ADAMTS19: variants seen among roughly 807,000 people sequenced by gnomAD.
ADAMTS19 encodes the protein ADAM metallopeptidase with thrombospondin type 1 motif 19.
In ADAMTS19, 93 loss-of-function variants were observed where a neutral mutation model predicts 153.3. The ratio of observed to expected loss-of-function variants is 0.61; its 90% CI spans 0.51 to 0.72. The LOEUF (loss-of-function observed/expected upper bound fraction) is 0.72, where lower values mean the gene tolerates loss of function less well. ADAMTS19 is among the 30% of genes least tolerant of loss of function. The pLI is 0.00. For synonymous variants in ADAMTS19, 600 were observed against 556.6 expected (o/e 1.08, Z -1.10); for missense variants, 1,482 against 1,552.1 (o/e 0.95, Z 0.76).
chr5:129,580,237 C>T (rs1388711797), intron 7 of ADAMTS19, among the ~76,000 whole-genome samples: 1 of 151,888 alleles, frequency 6.6e-6, no homozygotes, highest in Non-Finnish European at 1.5e-5. Flanking sequence ...GCTTTCTATT[C>T]ATCTGTTATT....
chr5:129,567,922 A>G (rs1388814565), intron 7 of ADAMTS19, among the ~76,000 whole-genome samples: 2 of 152,156 alleles, frequency 1.3e-5, no homozygotes, highest in Non-Finnish European at 1.5e-5. Flanking sequence ...CCAAAAAACA[A>G]GCTGTTATTT....
chr5:129,464,476 C>G (rs930620428), intron 2 of ADAMTS19, among the ~76,000 whole-genome samples: 1 of 152,186 alleles, frequency 6.6e-6, no homozygotes, highest in Non-Finnish European at 1.5e-5. Context: ...TGTACCTTCC[C>G]TTACCCTCTC....
At chr5:129,503,692 G>T (rs781714126) in intron 2 of ADAMTS19, among the ~76,000 whole-genome samples, 20 of 152,022 alleles carry the variant, frequency 1.3e-4, no homozygotes, top group Non-Finnish European at 2.2e-4. Flanking sequence ...TATGTGGGTG[G>T]TAGTGGGTGC....
intron 2 of ADAMTS19, among the ~76,000 whole-genome samples, chr5:129,478,840 C>A (rs542319673): frequency 6.6e-6 from 1 of 152,230 alleles, no homozygotes; most frequent in South Asian, 2.1e-4. Flanking sequence ...CTGCACCTGG[C>A]CACCTCTACC....
chr5:129,474,843 G>A (rs1443154490), intron 2 of ADAMTS19, among the ~76,000 whole-genome samples: 1 of 152,106 alleles, frequency 6.6e-6, no homozygotes, highest in Non-Finnish European at 1.5e-5. Context: ...TAATTATATT[G>A]AGCATAGGTT....
At chr5:129,615,704 A>C (rs1375990982) in intron 8 of ADAMTS19, among the ~76,000 whole-genome samples, 1 of 152,008 alleles carries the variant, frequency 6.6e-6, no homozygotes, top group Non-Finnish European at 1.5e-5. Flanking sequence ...ACAATCAGGC[A>C]GACAGTACAA....
rs1297961421 is a variant in ADAMTS19 at position 129,526,296 on chromosome 5, C to A, written c.926C>A (p.Pro309His). 1.9e-6 allele frequency: 3 copies of A among 1,582,402 alleles called. No individual in the cohort carries two copies. The South Asian group carries it at 3.5e-5, about 19-fold the overall frequency. Reference protein sequence around the residue: ...YCGIISDKGRPRSRKIAESGR... With the variant: ...YCGIISDKGRHRSRKIAESGR... ...TTCTCTGTTGCAGATAAAGGAAGAC[C>A]TAGGTCTAGAAAAATAGCAGAAAGT... Residue 309 changes from proline to histidine, a missense_variant, in exon 4 of 23, where the codon CCT becomes CAT. By Grantham distance (77) the Pro-to-His change is moderately conservative. Around this residue, in one of 2 missense-constraint regions of ADAMTS19, gnomAD observed 866 missense variants for 827.7 expected, o/e 1.05. Transcript: ENST00000274487.
At chr5:129,473,337 G>A (rs748424703) in intron 2 of ADAMTS19, among the ~76,000 whole-genome samples, 5 of 152,034 alleles carry the variant, frequency 3.3e-5, no homozygotes, top group Non-Finnish European at 5.9e-5. Context: ...TCCATTATAA[G>A]ATTATTATGT....
intron 17 of ADAMTS19, 128 bp from the exon 18 acceptor site, chr5:129,683,992 A>G: frequency 1.0e-6 from 1 of 999,000 alleles, no homozygotes; most frequent in Non-Finnish European, 1.4e-6. Flanking sequence ...TGTCCACAAC[A>G]GCAACAACAA....
chr5:129,707,055 C>G (rs148438232), intron 21 of ADAMTS19, among the ~76,000 whole-genome samples: 40 of 152,226 alleles, frequency 2.6e-4, no homozygotes, highest in African/African-American at 8.9e-4. Flanking sequence ...CTTAACAAAA[C>G]AGATTTGAAC....
chr5:129,511,501 C>A (rs1751437398), intron 3 of ADAMTS19, among the ~76,000 whole-genome samples: 1 of 151,620 alleles, frequency 6.6e-6, no homozygotes, highest in African/African-American at 2.4e-5. Context: ...AGTCACCTTA[C>A]AGGAATGTGG....
rs1049628723 is a variant in ADAMTS19 at position 129,737,236 on chromosome 5, G to C, written c.*18G>C. 1.3e-6 allele frequency: 2 copies of C among 1,574,560 alleles called. No homozygotes were observed. The highest frequency in any genetic ancestry group is 1.7e-5 in the Admixed American group (1 of 57,332). On this transcript the variant is annotated 3_prime_UTR_variant, in exon 23 of 23. Coordinates refer to ENST00000274487, the MANE Select transcript of ADAMTS19 (RefSeq NM_133638.6). ...AGAGTTGACCTCTAGCAGGCTGGCTGGATCACAGCTCTTGGCAATTACATT... is the reference window on the plus strand; with the variant it reads ...AGAGTTGACCTCTAGCAGGCTGGCTCGATCACAGCTCTTGGCAATTACATT...
At chr5:129,527,872 G>T in intron 5 of ADAMTS19, 41 bp downstream of exon 5, 1 of 1,290,808 alleles carries the variant, frequency 7.7e-7, no homozygotes, top group East Asian at 2.3e-5. Flanking sequence ...AAATGGGGGA[G>T]AAATTTTGTT....
intron 11 of ADAMTS19, among the ~76,000 whole-genome samples, chr5:129,642,173 A>C (rs1438974560): frequency 1.3e-5 from 2 of 151,526 alleles, no homozygotes; most frequent in Non-Finnish European, 2.9e-5. Flanking sequence ...GTTTTATTTT[A>C]TTTGTTATTT....
chr5:129,493,819 G>T (rs1451571053), intron 2 of ADAMTS19, among the ~76,000 whole-genome samples: 1 of 152,126 alleles, frequency 6.6e-6, no homozygotes, highest in Non-Finnish European at 1.5e-5. Context: ...AAGGATACTA[G>T]AGAAGTTCTA....
At chr5:129,735,606 G>A (rs1757633090) in intron 22 of ADAMTS19, among the ~76,000 whole-genome samples, 2 of 151,944 alleles carry the variant, frequency 1.3e-5, no homozygotes, top group Non-Finnish European at 2.9e-5. Flanking sequence ...TTCTTTTTAA[G>A]TTTTGAGAAT....
At chr5:129,724,439 T>C (rs1757124382) in intron 21 of ADAMTS19, among the ~76,000 whole-genome samples, 1 of 152,154 alleles carries the variant, frequency 6.6e-6, no homozygotes, top group Non-Finnish European at 1.5e-5. Flanking sequence ...CCATTGAGTC[T>C]ACAGCAACCT....
intron 3 of ADAMTS19, among the ~76,000 whole-genome samples, chr5:129,512,397 G>A (rs1034620280): frequency 6.6e-6 from 1 of 151,942 alleles, no homozygotes; most frequent in African/African-American, 2.4e-5. Context: ...GGAAGTGTAC[G>A]GTATCAACTG....
At position 129,737,061 on chromosome 5, in the gene ADAMTS19, T is replaced by C. The variant is rs1186059328; in HGVS notation, c.3491-6T>C. The C allele has an allele frequency of 7.0e-6, 11 of 1,578,518 alleles. No homozygotes were observed. In the Admixed American group the frequency reaches 1.7e-4, roughly 25 times the overall value. On this transcript the variant is annotated splice_region_variant and splice_polypyrimidine_tract_variant and intron_variant, in intron 22 of 22. Coordinates refer to ENST00000274487, the MANE Select transcript of ADAMTS19 (RefSeq NM_133638.6). Reference sequence around the variant, plus strand: ...TGGAGTGAATTCACTATGTTCTGTTTCACAGCTGCTCTGACTTTCAAGTGC... The same window carrying C: ...TGGAGTGAATTCACTATGTTCTGTTCCACAGCTGCTCTGACTTTCAAGTGC...
Sources: gnomAD v4.1 joint callset for allele counts (sites outside exome capture counted in the v4.1 genomes callset) on GRCh38, gnomAD v4.1.1 for gene constraint, gnomAD v4.1.1 regional missense constraint, MANE v1.5 for transcripts, NCBI Gene and HGNC (gene_info 2026-07-23, HGNC 2026-07-21) for gene names.